The following SP1 variants were observed in gnomAD, a reference collection of about 807,000 sequenced individuals.
SP1 encodes the protein Sp1 transcription factor.
In SP1, 6 loss-of-function variants were observed where a neutral mutation model predicts 66.3. The ratio of observed to expected loss-of-function variants is 0.09; its 90% CI spans 0.05 to 0.18. The LOEUF is 0.18. Ranked by LOEUF, SP1 falls within the 10% of genes least tolerant of loss-of-function variation. The probability of loss-of-function intolerance (pLI) is 1.00; values close to 1 mark genes in which losing one functional copy is unlikely to be tolerated. For missense variants in SP1, 848 were observed against 964.5 expected, an observed-to-expected ratio of 0.88 and a Z score of 1.60; for synonymous variants, 417 against 360.8, an observed-to-expected ratio of 1.16 and a Z score of -1.77.
At chr12:53,391,811 T>C (rs888664756) in intron 3 of SP1, among the ~76,000 whole-genome samples, 4 of 151,204 alleles carry the variant, frequency 2.6e-5, no homozygotes, top group African/African-American at 9.7e-5. Flanking sequence ...CCATGAATAC[T>C]CAATGTTTAG....
Position 53,382,847 on chromosome 12 carries a change from C to T in SP1, c.900C>T (p.Thr300=). 1 of 1,614,198 alleles carries T rather than the reference C, an allele frequency of 6.2e-7. No homozygotes were observed. The highest frequency in any genetic ancestry group is 8.5e-7 in the Non-Finnish European group (1 of 1,180,026). ...GSQESGSQPV[T]SGTTISSASL... ...AGGAGAGTGGCTCACAGCCTGTCAC[C>T]TCAGGGACTACCATCAGTTCTGCCA... The change falls in exon 3 of 6, where the codon ACC becomes ACT. Residue 300 remains threonine, a synonymous_variant. Transcript: ENST00000327443.
chr12:53,409,805 C>A (rs879810428), intron 5 of SP1, among the ~76,000 whole-genome samples: 1 of 151,336 alleles, frequency 6.6e-6, no homozygotes, highest in Non-Finnish European at 1.5e-5. Flanking sequence ...GTCAGGAGAT[C>A]GAGACCATTC....
At chr12:53,409,230 C>CA in intron 4 of SP1, 132 bp from the exon 5 acceptor site, 1 of 745,718 alleles carries the variant, frequency 1.3e-6, no homozygotes, top group Non-Finnish European at 2.2e-6. Flanking sequence ...CTCAAAAAAA[C>CA]AAAAAAGAAG....
chr12:53,400,662 C>G (rs890140707), intron 3 of SP1, among the ~76,000 whole-genome samples: 2 of 151,922 alleles, frequency 1.3e-5, no homozygotes, highest in Non-Finnish European at 2.9e-5. Context: ...GCTCTAGGCT[C>G]ACTGCAACCT....
intron 1 of SP1, 91 bp downstream of exon 1, chr12:53,380,389 GGGCGGGCGGGAGGCGGCGGCGGC>G: frequency 8.4e-7 from 1 of 1,184,914 alleles, no homozygotes; most frequent in African/African-American, 1.6e-5. Flanking sequence ...CGTGAAGCGG[GGGCGGGCGGGAGGCGGCGGCGGC>G]GGCGGCCTAG....
Position 53,410,943 on chromosome 12 carries a change from C to T in SP1, c.2061C>T (p.Ala687=). ...TTTACCTAGGTGAGAAGAAATTTGC[C>T]TGCCCTGAGTGTCCTAAGCGCTTCA... ...KRTHTGEKKF[A]CPECPKRFMR... is the part of the protein sequence containing the mutation. Residue 687 remains alanine (A), a synonymous_variant, in exon 6 of 6, where the codon GCC becomes GCT. Coordinates refer to ENST00000327443, the MANE Select transcript of SP1 (RefSeq NM_138473.3). The T allele has an allele frequency of 6.2e-7, 1 of 1,612,332 alleles. No individual in the cohort carries two copies. Among genetic ancestry groups the T allele is most frequent in the South Asian group, 1.1e-5 (1 of 90,936 alleles).
At chr12:53,408,834 A>AT (rs1196592549) in intron 4 of SP1, among the ~76,000 whole-genome samples, 2 of 151,618 alleles carry the variant, frequency 1.3e-5, no homozygotes, top group African/African-American at 4.8e-5. Context: ...TGAACCCGGG[A>AT]GGTGGAGGTT....
chr12:53,404,368 A>G (rs541734744), intron 3 of SP1, among the ~76,000 whole-genome samples: 1 of 151,900 alleles, frequency 6.6e-6, no homozygotes, highest in South Asian at 2.1e-4. Flanking sequence ...CATCTCTACT[A>G]AAAAAATACA....
intron 4 of SP1, 56 bp from the exon 5 acceptor site, chr12:53,409,306 G>A: frequency 7.0e-7 from 1 of 1,423,058 alleles, no homozygotes; most frequent in Non-Finnish European, 9.8e-7. Flanking sequence ...TTGATACTTT[G>A]TGGTTCTTTA....
At chr12:53,386,355 C>T (rs1215150253) in intron 3 of SP1, among the ~76,000 whole-genome samples, 1 of 152,002 alleles carries the variant, frequency 6.6e-6, no homozygotes, top group South Asian at 2.1e-4. Flanking sequence ...AAGGGAAAAA[C>T]AGTCTGGGAA....
chr12:53,414,098 C>A lies in SP1; in HGVS notation c.*2858C>A, dbSNP rs1269087134. 1 of 150,780 alleles carries A rather than the reference C, an allele frequency of 6.6e-6. No individual in the cohort carries two copies. The highest frequency in any genetic ancestry group is 1.5e-5 in the Non-Finnish European group (1 of 67,750). The allele number at this position is 150,780 out of a possible 1,614,324, so 9.3% of individuals were successfully genotyped here. A position where few individuals can be genotyped will look rare whatever the true frequency, so the allele number is the denominator to read the frequency against. ...AGTCAGGAGCTTATTACAGAAAAAC[C>A]CCGTTTCCCTGAACTTTTGGCTAAC... On this transcript the variant is annotated 3_prime_UTR_variant, in exon 6 of 6. Coordinates refer to ENST00000327443, the MANE Select transcript of SP1 (RefSeq NM_138473.3).
chr12:53,398,810 CTA>C (rs1445113434), intron 3 of SP1, among the ~76,000 whole-genome samples: 2 of 152,244 alleles, frequency 1.3e-5, no homozygotes, highest in Admixed American at 1.3e-4. Flanking sequence ...TAACAATTAT[CTA>C]TAAATAATAT....
Position 53,406,596 on chromosome 12 carries a change from G to C in SP1, c.1687G>C (p.Ala563Pro). The C allele has an allele frequency of 6.2e-7, 1 of 1,613,930 alleles. No individual in the cohort carries two copies. The highest frequency in any genetic ancestry group is 8.5e-7 in the Non-Finnish European group (1 of 1,179,930). Residue 563 changes from alanine (A) to proline (P), a missense_variant, in exon 4 of 6, where the codon GCT becomes CCT. Ala to Pro is a conservative substitution (Grantham distance 27, BLOSUM62 -1). Transcript: ENST00000327443. ...AIANAPGDHG[A>P]QLGLHGAGGD... ...TCTCTTAATTTCAGGTGATCATGGA[G>C]CTCAGCTTGGTCTCCATGGGGCTGG...
chr12:53,384,750 C>T (rs961010752), intron 3 of SP1, among the ~76,000 whole-genome samples: 2 of 150,864 alleles, frequency 1.3e-5, no homozygotes, highest in African/African-American at 4.9e-5. Flanking sequence ...ACTGAGAAGA[C>T]GAGGCAGGTG....
chr12:53,385,798 A>G (rs1938214708), intron 3 of SP1, among the ~76,000 whole-genome samples: 1 of 151,430 alleles, frequency 6.6e-6, no homozygotes, highest in Non-Finnish European at 1.5e-5. Flanking sequence ...CTGTAGTCCC[A>G]GCTACTTGGG....
intron 3 of SP1, among the ~76,000 whole-genome samples, chr12:53,395,616 T>C (rs981048678): frequency 3.3e-5 from 5 of 152,144 alleles, no homozygotes; most frequent in African/African-American, 1.2e-4. Flanking sequence ...TTAGCAAAAT[T>C]TATTGAACAT....
At chr12:53,387,771 G>A (rs1938263693) in intron 3 of SP1, among the ~76,000 whole-genome samples, 1 of 152,102 alleles carries the variant, frequency 6.6e-6, no homozygotes, top group Non-Finnish European at 1.5e-5. Flanking sequence ...GGATCATGAG[G>A]TCAGGAGATC....
chr12:53,409,612 A>C (rs1938832863), intron 5 of SP1, 51 bp downstream of exon 5: 1 of 1,416,894 alleles, frequency 7.1e-7, no homozygotes, highest in Non-Finnish European at 1.0e-6. Context: ...AGAATGAAAA[A>C]CACAAAATAT....
In SP1 at chr12:53,383,008, A is replaced by G; in HGVS notation, c.1061A>G (p.Gln354Arg). 1 of 1,614,214 alleles carries G rather than the reference A, an allele frequency of 6.2e-7. No homozygotes were observed. The highest frequency in any genetic ancestry group is 8.5e-7 in the Non-Finnish European group (1 of 1,180,042). The change falls in exon 3 of 6, where the codon CAG becomes CGG. Residue 354 changes from glutamine to arginine, a missense_variant. Transcript: ENST00000327443. ...SGSSGTNSQG[Q>R]TPQRVSGLQG... ...TCATCAGGGACCAACTCTCAAGGCC[A>G]GACACCCCAGAGGGTCAGTGGGCTA... is the stretch of plus-strand genomic sequence containing the variant.
Sources: gnomAD v4.1 joint callset for allele counts (sites outside exome capture counted in the v4.1 genomes callset) on GRCh38, gnomAD v4.1.1 for gene constraint, MANE v1.5 for transcripts, NCBI Gene and HGNC (gene_info 2026-07-23, HGNC 2026-07-21) for gene names.